Variants in SERTAD4 observed in about 807,000 individuals in gnomAD.
The protein encoded by SERTAD4 is SERTA domain-containing protein 4.
Under a neutral mutation model 32.9 loss-of-function variants are expected in SERTAD4, and 18 were observed. That is an observed-to-expected ratio of 0.55 (90% CI 0.38 to 0.81). SERTAD4 has a LOEUF of 0.81. Ranked by LOEUF, SERTAD4 falls within the 30% of genes least tolerant of loss-of-function variation. The pLI, the probability that SERTAD4 is intolerant of heterozygous loss-of-function variation, is 0.00. For missense variants in SERTAD4, 383 were observed against 426.0 expected (o/e 0.90, Z 0.89); for synonymous variants, 150 against 156.4 (o/e 0.96, Z 0.30).
At chr1:210,238,741 A>C (rs2147847183) in intron 2 of SERTAD4, among the ~76,000 whole-genome samples, 1 of 152,366 alleles carries the variant, frequency 6.6e-6, no homozygotes, top group South Asian at 2.1e-4. Context: ...TTGTAGGAAA[A>C]AAATTTAAAG....
At chr1:210,240,478 C>T (rs2083983530) in intron 3 of SERTAD4, among the ~76,000 whole-genome samples, 1 of 152,142 alleles carries the variant, frequency 6.6e-6, no homozygotes, top group South Asian at 2.1e-4. Context: ...TGGGCTTTTC[C>T]CTGCATGTGT....
In SERTAD4 at chr1:210,245,742, C is replaced by T; in HGVS notation, c.*3405C>T. 1.1e-6 allele frequency: 1 copy of T among 948,320 alleles called. No individual in the cohort carries two copies. Among genetic ancestry groups the T allele is most frequent in the Non-Finnish European group, 1.3e-6 (1 of 796,158 alleles). 58.7% of individuals were successfully genotyped at this position (948,320 alleles called of 1,614,324 possible). On this transcript the variant is annotated 3_prime_UTR_variant, in exon 4 of 4. Coordinates refer to ENST00000367012, the MANE Select transcript of SERTAD4 (RefSeq NM_019605.5). ...CTCCATCAAGACATGGCTACCCACC[C>T]CTCCAGTTATGAACTTGTATTACAG...
Position 210,245,466 on chromosome 1 carries a change from A to G in SERTAD4, c.*3129A>G, listed in dbSNP as rs1206343151. On this transcript the variant is annotated 3_prime_UTR_variant, in exon 4 of 4. Coordinates refer to ENST00000367012, the MANE Select transcript of SERTAD4 (RefSeq NM_019605.5). ...TCTCATCATCATCTTTCCACTCAAA[A>G]TCCTATTATTCTACATTTCACTTTG... The G allele has an allele frequency of 6.6e-6, 1 of 152,172 alleles. No homozygotes were observed. The highest frequency in any genetic ancestry group is 2.4e-5 in the African/African-American group (1 of 41,444). 9.4% of individuals were successfully genotyped at this position (152,172 alleles called of 1,614,324 possible). A position where few individuals can be genotyped will look rare whatever the true frequency, so the allele number is the denominator to read the frequency against.
intron 2 of SERTAD4, among the ~76,000 whole-genome samples, chr1:210,239,283 T>A (rs974545745): frequency 1.3e-5 from 2 of 152,246 alleles, no homozygotes; most frequent in African/African-American, 4.8e-5. Context: ...GTGATTTTCC[T>A]CTATAATTGC....
intron 1 of SERTAD4, 82 bp from the exon 2 acceptor site, chr1:210,237,862 T>TG: frequency 2.8e-6 from 3 of 1,061,946 alleles, no homozygotes; most frequent in Non-Finnish European, 4.2e-6. Flanking sequence ...AGCAAAGAAA[T>TG]GAAGATGCCA....
chr1:210,233,930 G>A, intron 1 of SERTAD4: 1 of 427,188 alleles, frequency 2.3e-6, no homozygotes, highest in Non-Finnish European at 4.7e-6. Flanking sequence ...GCCGCTGTGA[G>A]TCATTTCCTT....
At position 210,245,496 on chromosome 1, in the gene SERTAD4, G is replaced by C. The variant is rs1437602398; in HGVS notation, c.*3159G>C. The C allele has an allele frequency of 6.6e-6, 1 of 152,076 alleles. No individual in the cohort carries two copies. Among genetic ancestry groups the C allele is most frequent in the Non-Finnish European group, 1.5e-5 (1 of 68,026 alleles). The allele number at this position is 152,076 out of a possible 1,614,324, so 9.4% of individuals were successfully genotyped here. On this transcript the variant is annotated 3_prime_UTR_variant, in exon 4 of 4. Coordinates refer to ENST00000367012, the MANE Select transcript of SERTAD4 (RefSeq NM_019605.5). ...ATTATTCTACATTTCACTTTGCAGG[G>C]GTCCTAGGGACAGGATTGCAGGGAC...
In SERTAD4 at chr1:210,238,042, C is replaced by T. The variant is rs1015128903; in HGVS notation, c.82C>T (p.Leu28=). ...TGCTGAAATTGCTGGGTACCAAACACTATGGGAGGCTGACAGCTACGGAGG... is the reference window on the plus strand; with the variant it reads ...TGCTGAAATTGCTGGGTACCAAACATTATGGGAGGCTGACAGCTACGGAGG... The part of the protein sequence containing the change: ...GAAEIAGYQT[L]WEADSYGGPS... Residue 28 remains leucine (L), a synonymous_variant, in exon 2 of 4, where the codon CTA becomes TTA. Coordinates refer to ENST00000367012, the MANE Select transcript of SERTAD4 (RefSeq NM_019605.5). 2.5e-6 allele frequency: 4 copies of T among 1,613,870 alleles called. No homozygotes were observed. Among genetic ancestry groups the T allele is most frequent in the Non-Finnish European group, 2.5e-6 (3 of 1,179,884 alleles).
chr1:210,238,989 A>G (rs1005409702), intron 2 of SERTAD4, among the ~76,000 whole-genome samples: 24 of 152,254 alleles, frequency 1.6e-4, no homozygotes, highest in African/African-American at 5.8e-4. Flanking sequence ...TAAAAATTTG[A>G]ATTTTGTATT....
At chr1:210,241,455 G>C (rs987968025) in intron 3 of SERTAD4, 103 bp from the exon 4 acceptor site, 44 of 1,211,928 alleles carry the variant, frequency 3.6e-5, no homozygotes, top group Non-Finnish European at 4.6e-5. Context: ...ACAGTGCCAA[G>C]AAAGAAGTAT....
chr1:210,234,494 A>T (rs1384004845), intron 1 of SERTAD4, among the ~76,000 whole-genome samples: 1 of 152,144 alleles, frequency 6.6e-6, no homozygotes, highest in African/African-American at 2.4e-5. Flanking sequence ...TTTGTTTAGA[A>T]GGGTTGAAGA....
rs143144643 is a variant in SERTAD4 at position 210,241,795 on chromosome 1, C to T, written c.529C>T (p.Arg177Trp). ...AQDCPYRKRP[R>W]MAKEECEKFH... The stretch of plus-strand genomic sequence containing the variant: ...AGACTGCCCTTACCGAAAACGACCA[C>T]GGATGGCCAAAGAGGAATGTGAAAA... The change falls in exon 4 of 4, where the codon CGG becomes TGG. Residue 177 changes from arginine to tryptophan, a missense_variant. Physicochemically the swap from Arg to Trp is moderately radical, Grantham distance 101 (BLOSUM62 -3). Around this residue, in one of 3 missense-constraint regions of SERTAD4, gnomAD observed 107 missense variants for 158.8 expected, o/e 0.67. Transcript: ENST00000367012. 5 of 1,613,990 alleles carry T rather than the reference C, an allele frequency of 3.1e-6. No individual in the cohort carries two copies. Among genetic ancestry groups the T allele is most frequent in the East Asian group, 2.2e-5 (1 of 44,884 alleles).
At chr1:210,235,995 GC>G (rs2083937212) in intron 1 of SERTAD4, among the ~76,000 whole-genome samples, 1 of 152,190 alleles carries the variant, frequency 6.6e-6, no homozygotes, top group Non-Finnish European at 1.5e-5. Context: ...TGTGCTCTTG[GC>G]AATAGTATTT....
chr1:210,237,921 GTT>G (rs11347154), intron 1 of SERTAD4, 21 bp from the exon 2 acceptor site: 3,921 of 1,332,928 alleles, frequency 2.9e-3, no homozygotes, highest in Non-Finnish European at 3.3e-3. Context: ...CTTCATTCTT[GTT>G]TTTTTTTTTT....
At chr1:210,237,810 T>C in intron 1 of SERTAD4, 134 bp from the exon 2 acceptor site, 1 of 641,192 alleles carries the variant, frequency 1.6e-6, no homozygotes, top group Non-Finnish European at 2.7e-6. Flanking sequence ...TAATAAAATG[T>C]TTCAGGGTAA....
In SERTAD4 at chr1:210,244,603, A is replaced by C. The variant is rs947074870; in HGVS notation, c.*2266A>C. On this transcript the variant is annotated 3_prime_UTR_variant, in exon 4 of 4. Coordinates refer to ENST00000367012, the MANE Select transcript of SERTAD4 (RefSeq NM_019605.5). Reference sequence around the variant, plus strand: ...AACTAATTAATTTGTCAAATGTAGCATTCTTATTATGAGTGTAATATCTCA... The same window carrying C: ...AACTAATTAATTTGTCAAATGTAGCCTTCTTATTATGAGTGTAATATCTCA... 1 of 152,218 alleles carries C rather than the reference A, an allele frequency of 6.6e-6. No individual in the cohort carries two copies. Among genetic ancestry groups the C allele is most frequent in the Non-Finnish European group, 1.5e-5 (1 of 68,048 alleles). The allele number at this position is 152,218 out of a possible 1,614,324, so 9.4% of individuals were successfully genotyped here. A position where few individuals can be genotyped will look rare whatever the true frequency, so the allele number is the denominator to read the frequency against.
At position 210,243,293 on chromosome 1, in the gene SERTAD4, G is replaced by A. The variant is rs966825456; in HGVS notation, c.*956G>A. ...TGTTAGAAAGCAGCACGGGCTGCTC[G>A]AGCTTTTCTATGGCAACTGTGTGTT... is the stretch of plus-strand genomic sequence containing the variant. On this transcript the variant is annotated 3_prime_UTR_variant, in exon 4 of 4. Transcript: ENST00000367012. 8 of 301,382 alleles carry A rather than the reference G, an allele frequency of 2.7e-5. No homozygotes were observed. Among genetic ancestry groups the A allele is most frequent in the Admixed American group, 6.5e-5 (1 of 15,400 alleles). The allele number at this position is 301,382 out of a possible 1,614,324, so 18.7% of individuals were successfully genotyped here.
Position 210,243,114 on chromosome 1 carries a change from A to AAAAAAAAAAAAAAAAACC in SERTAD4, c.*778_*779insAAAAAAAAAAAAAAACCA. ...AGGACAAAAAAAAAAAAAAAAAAAA[A>AAAAAAAAAAAAAAAAACC]ACCACAGGGTGGATCAATATGGTTT... On this transcript the variant is annotated 3_prime_UTR_variant, in exon 4 of 4. Transcript: ENST00000367012. 1.4e-6 allele frequency: 1 copy of AAAAAAAAAAAAAAAAACC among 695,910 alleles called. No individual in the cohort carries two copies. 43.1% of individuals were successfully genotyped at this position (695,910 alleles called of 1,614,324 possible).
chr1:210,238,774 T>C (rs1168754986), intron 2 of SERTAD4, among the ~76,000 whole-genome samples: 2 of 152,214 alleles, frequency 1.3e-5, no homozygotes, highest in Non-Finnish European at 2.9e-5. Context: ...AAGTATGTTC[T>C]TCCTGATTCT....
Sources: allele counts gnomAD v4.1 joint callset (sites outside exome capture counted in the v4.1 genomes callset), GRCh38; gene constraint gnomAD v4.1.1; regional missense constraint gnomAD v4.1.1; transcripts MANE v1.5; gene names NCBI Gene and HGNC (gene_info 2026-07-23, HGNC 2026-07-21).